The following GRIP1 variants were observed in gnomAD, a reference collection of about 807,000 sequenced individuals.
The protein encoded by GRIP1 is glutamate receptor-interacting protein 1.
Under a neutral mutation model 129.9 loss-of-function variants are expected in GRIP1, and 45 were observed. The observed-to-expected ratio is 0.35, with a 90% CI of 0.27 to 0.44. GRIP1 has a LOEUF of 0.44. Among genes scored for constraint, GRIP1 ranks in the 20% least tolerant of loss-of-function variants. The pLI is 1.00. For missense variants in GRIP1, 1,196 were observed against 1,396.8 expected, an observed-to-expected ratio of 0.86 and a Z score of 2.29; for synonymous variants, 530 against 520.8, an observed-to-expected ratio of 1.02 and a Z score of -0.24.
intron 1 of GRIP1, among the ~76,000 whole-genome samples, chr12:66,935,350 C>T (rs1017488649): frequency 1.3e-5 from 2 of 152,076 alleles, no homozygotes; most frequent in Admixed American, 6.5e-5. Context: ...TCAGACCACA[C>T]GTAGGTTCCA....
At chr12:66,920,307 G>A (rs201298714) in intron 1 of GRIP1, among the ~76,000 whole-genome samples, 2 of 151,934 alleles carry the variant, frequency 1.3e-5, no homozygotes, top group Admixed American at 6.6e-5. Flanking sequence ...TTACTCTCCC[G>A]CCTACCCAGC....
chr12:66,541,801 CA>C lies in GRIP1; in HGVS notation c.272+13del. On this transcript the variant is annotated intron_variant, in intron 3 of 24. Coordinates refer to ENST00000359742, the MANE Select transcript of GRIP1 (RefSeq NM_001366722.1). ...CTGTGTTCCTTTCAGTAGATTTCCC[CA>C]AGAGGCAGTTACCTAGCAGCAATTC... 1 of 1,613,524 alleles carries C rather than the reference CA, an allele frequency of 6.2e-7. No homozygotes were observed.
At chr12:66,443,648 A>T (rs1178610501) in intron 13 of GRIP1, among the ~76,000 whole-genome samples, 1 of 151,754 alleles carries the variant, frequency 6.6e-6, no homozygotes, top group East Asian at 1.9e-4. Context: ...TAGAGACAGG[A>T]TTTCATCAAG....
chr12:66,466,399 A>G (rs1157666325), intron 7 of GRIP1, among the ~76,000 whole-genome samples: 4 of 152,216 alleles, frequency 2.6e-5, no homozygotes, highest in Non-Finnish European at 2.9e-5. Context: ...ATAGTTGTGG[A>G]ATGAATGCAT....
chr12:66,423,925 G>A (rs2057895810), intron 14 of GRIP1, among the ~76,000 whole-genome samples: 2 of 152,072 alleles, frequency 1.3e-5, no homozygotes, highest in African/African-American at 2.4e-5. Context: ...TGAACTGGTC[G>A]AACACACAAC....
At chr12:67,018,674 C>T (rs2042822702) in intron 1 of GRIP1, among the ~76,000 whole-genome samples, 2 of 152,086 alleles carry the variant, frequency 1.3e-5, no homozygotes, top group Admixed American at 6.6e-5. Flanking sequence ...CCACAGAGGT[C>T]TCTTGGATGG....
At chr12:66,831,208 T>G (rs1778996797) in intron 1 of GRIP1, among the ~76,000 whole-genome samples, 1 of 152,124 alleles carries the variant, frequency 6.6e-6, no homozygotes, top group Non-Finnish European at 1.5e-5. Flanking sequence ...TGAATTTCAT[T>G]GCCACCAGCT....
intron 1 of GRIP1, among the ~76,000 whole-genome samples, chr12:66,911,972 A>G (rs951625570): frequency 5.9e-5 from 9 of 152,186 alleles, no homozygotes; most frequent in Admixed American, 5.9e-4. Flanking sequence ...AGCTTACTCT[A>G]GAAAAAGTAA....
intron 7 of GRIP1, among the ~76,000 whole-genome samples, chr12:66,486,267 TTA>T (rs59135643): frequency 1.4e-4 from 21 of 149,974 alleles, no homozygotes; most frequent in Admixed American, 4.7e-4. Flanking sequence ...CTGACATGGT[TTA>T]TATATATATA....
At chr12:66,544,964 G>C (rs1211373775) in intron 2 of GRIP1, among the ~76,000 whole-genome samples, 1 of 152,100 alleles carries the variant, frequency 6.6e-6, no homozygotes, top group African/African-American at 2.4e-5. Context: ...TAAAACAGTG[G>C]AACTTGGGCA....
Position 66,678,911 on chromosome 12 carries a change from T to C in GRIP1, c.-7A>G. ...TAAAAGAGACAGCTATCATTCTTGC[T>C]CACTGCTTTCTGTGGCAAAGTGTAC... On this transcript the variant is annotated 5_prime_UTR_variant, in exon 1 of 25. It removes the in-frame stop codon of an upstream open reading frame in the 5' UTR. Transcript: ENST00000359742. 1 of 1,613,390 alleles carries C rather than the reference T, an allele frequency of 6.2e-7. No homozygotes were observed. Among genetic ancestry groups the C allele is most frequent in the Non-Finnish European group, 8.5e-7 (1 of 1,179,544 alleles).
intron 1 of GRIP1, among the ~76,000 whole-genome samples, chr12:67,058,444 T>C (rs966594559): frequency 1.4e-4 from 22 of 152,208 alleles, no homozygotes; most frequent in Admixed American, 4.6e-4. Flanking sequence ...CTTGAGTACA[T>C]GTAGTGATCT....
Position 66,824,142 on chromosome 12 carries a change from T to C in GRIP1, c.59-227215A>G, listed in dbSNP as rs76101027. On this transcript the variant is annotated intron_variant, in intron 1 of 1. Coordinates refer to the GRIP1 transcript ENST00000643019. ...GAGGTAGCCTGAGTCTGCCAGGATT[T>C]TTGAAAAGGTGGGTGGGGCACAATC... Among the ~76,000 whole-genome samples, 1,184 of 152,212 alleles carry C rather than the reference T, an allele frequency of 7.8e-3. 19 individuals carry two copies. The highest frequency in any genetic ancestry group is 0.027 in the African/African-American group (1,140 of 41,548).
intron 1 of GRIP1, among the ~76,000 whole-genome samples, chr12:66,988,380 T>A (rs1202130184): frequency 6.6e-6 from 1 of 152,060 alleles, no homozygotes; most frequent in Non-Finnish European, 1.5e-5. Flanking sequence ...AAATTCTTTT[T>A]TCTTTTTCTT....
intron 1 of GRIP1, among the ~76,000 whole-genome samples, chr12:66,744,055 T>C (rs1295435755): frequency 6.6e-6 from 1 of 152,172 alleles, no homozygotes; most frequent in Non-Finnish European, 1.5e-5. Context: ...ATCTTCATAC[T>C]ATGAGCATGC....
intron 1 of GRIP1, among the ~76,000 whole-genome samples, chr12:67,031,892 T>C (rs1174246521): frequency 1.3e-5 from 2 of 152,160 alleles, no homozygotes; most frequent in African/African-American, 4.8e-5. Context: ...CCCATTGAGA[T>C]TCTACCCTTT....
intron 19 of GRIP1, among the ~76,000 whole-genome samples, chr12:66,388,361 G>T (rs1482306239): frequency 6.6e-6 from 1 of 152,094 alleles, no homozygotes; most frequent in Non-Finnish European, 1.5e-5. Context: ...CCTCAAAAGG[G>T]AGAAAAATAA....
At chr12:67,066,911 T>TATATATATATATAC (rs1474197671) in intron 1 of GRIP1, among the ~76,000 whole-genome samples, 35 of 140,594 alleles carry the variant, frequency 2.5e-4, no homozygotes, top group Admixed American at 8.5e-4. Flanking sequence ...TATATATATA[T>TATATATATATATAC]ACACACACAC....
chr12:66,704,397 T>A (rs1354714486), intron 1 of GRIP1, among the ~76,000 whole-genome samples: 1 of 151,974 alleles, frequency 6.6e-6, no homozygotes, highest in African/African-American at 2.4e-5. Context: ...AATGTTAATA[T>A]TATTCTATAA....
Sources: allele counts gnomAD v4.1 joint callset (sites outside exome capture counted in the v4.1 genomes callset), GRCh38; gene constraint gnomAD v4.1.1; transcripts MANE v1.5; gene names NCBI Gene and HGNC (gene_info 2026-07-23, HGNC 2026-07-21).